Variants in ZMYM2 observed in about 807,000 individuals in gnomAD.
ZMYM2 encodes zinc finger MYM-type containing 2, also known as zinc finger MYM-type protein 2.
Under a neutral mutation model 162.8 loss-of-function variants are expected in ZMYM2, and 56 were observed. That is an observed-to-expected ratio of 0.34 (90% CI 0.28 to 0.43). ZMYM2 has a LOEUF of 0.43. Ranked by LOEUF, ZMYM2 falls within the 20% of genes least tolerant of loss-of-function variation. The probability of loss-of-function intolerance (pLI) is 1.00; values close to 1 mark genes in which losing one functional copy is unlikely to be tolerated. For missense variants in ZMYM2, 1,275 were observed against 1,621.8 expected (o/e 0.79, Z 3.67); for synonymous variants, 510 against 541.6 (o/e 0.94, Z 0.81).
chr13:20,083,194 C>A (rs113974693), intron 23 of ZMYM2, among the ~76,000 whole-genome samples, 162 bp downstream of exon 23: 4 of 152,268 alleles, frequency 2.6e-5, no homozygotes, highest in African/African-American at 9.6e-5. Flanking sequence ...TCCTGAGTGG[C>A]TGGGATTACA....
intron 12 of ZMYM2, among the ~76,000 whole-genome samples, chr13:20,042,711 T>TTC (rs748869261): frequency 4.7e-5 from 7 of 149,404 alleles, no homozygotes. Context: ...GACCTTTGCT[T>TTC]TTTATTATTA....
intron 12 of ZMYM2, among the ~76,000 whole-genome samples, chr13:20,043,230 G>C (rs371393185): frequency 9.4e-4 from 143 of 152,266 alleles, no homozygotes; most frequent in African/African-American, 3.0e-3. Context: ...CACTGTGCTG[G>C]GGAGACTGAC....
chr13:20,022,548 C>T (rs1470003497), intron 7 of ZMYM2, among the ~76,000 whole-genome samples: 2 of 151,806 alleles, frequency 1.3e-5, no homozygotes, highest in African/African-American at 4.8e-5. Context: ...CATCTGTTGT[C>T]AATTAGAAAA....
chr13:20,060,719 A>G (rs959090686), intron 16 of ZMYM2, among the ~76,000 whole-genome samples: 4 of 152,158 alleles, frequency 2.6e-5, no homozygotes, highest in African/African-American at 9.7e-5. Context: ...CATAAGGTTT[A>G]GAACTGAAAC....
intron 12 of ZMYM2, among the ~76,000 whole-genome samples, chr13:20,046,564 A>AT (rs1555317284): frequency 0.041 from 4,268 of 103,720 alleles, 189 homozygotes; most frequent in East Asian, 0.098. Flanking sequence ...TAAAAAAAAA[A>AT]ATATATATAT....
At chr13:19,981,528 A>C (rs1303892859) in intron 2 of ZMYM2, among the ~76,000 whole-genome samples, 1 of 152,174 alleles carries the variant, frequency 6.6e-6, no homozygotes. Context: ...CTGACCTGCA[A>C]TATACCATTT....
At chr13:19,939,835 C>G in the ZMYM2 span, among the ~76,000 whole-genome samples, 1 of 152,100 alleles carries the variant, frequency 6.6e-6, no homozygotes, top group Non-Finnish European at 1.5e-5. Context: ...ACATTTTATT[C>G]TCATTACAGT....
the ZMYM2 span, among the ~76,000 whole-genome samples, chr13:19,883,826 G>A: frequency 5.3e-5 from 8 of 152,036 alleles, no homozygotes; most frequent in Non-Finnish European, 8.8e-5. Context: ...GCACGATCTC[G>A]CCTCACGGCA....
intron 12 of ZMYM2, among the ~76,000 whole-genome samples, chr13:20,037,553 G>C (rs1953841074): frequency 6.6e-6 from 1 of 152,140 alleles, no homozygotes; most frequent in South Asian, 2.1e-4. Flanking sequence ...AGTGTTGAAT[G>C]TTAGCAGGTA....
intron 2 of ZMYM2, among the ~76,000 whole-genome samples, chr13:19,982,156 T>G (rs1957389892): frequency 6.6e-6 from 1 of 152,160 alleles, no homozygotes; most frequent in South Asian, 2.1e-4. Context: ...GCCTTAAATC[T>G]TCCTGTCCAA....
upstream of ZMYM2, among the ~76,000 whole-genome samples, chr13:19,958,133 C>T (rs1954685115): frequency 6.6e-6 from 1 of 151,594 alleles, no homozygotes; most frequent in Admixed American, 6.6e-5. Context: ...GCCTCCACTG[C>T]CCCCAGCGCG....
chr13:20,080,470 T>C (rs9552069), intron 21 of ZMYM2, among the ~76,000 whole-genome samples: 104,384 of 151,902 alleles, frequency 0.69, 41,084 homozygotes, highest in Non-Finnish European at 0.86. Flanking sequence ...TTAAAAAAAT[T>C]GAATCCGACA....
rs760655470 is a variant in ZMYM2 at position 20,061,018 on chromosome 13, T to G, written c.2740-35T>G. On this transcript the variant is annotated intron_variant, in intron 16 of 24. Coordinates refer to ENST00000610343, the MANE Select transcript of ZMYM2 (RefSeq NM_197968.4). ...ATTTGGAAAAATACCTTTTAATGTT[T>G]AGTAAACCTAACTCAAAATGATTTG... 8 of 1,573,902 alleles carry G rather than the reference T, an allele frequency of 5.1e-6. 1 individual carries two copies. The highest frequency in any genetic ancestry group is 3.5e-5 in the South Asian group (3 of 85,484).
rs970360792 is a variant in ZMYM2, at chr13:20,072,414, G to C, written c.3453+5024G>C. Among the ~76,000 whole-genome samples the C allele has an allele frequency of 5.9e-5, 9 of 152,292 alleles. 1 individual carries two copies. The East Asian group carries it at 1.5e-3, about 26-fold the overall frequency. ...CGAGCACCTGTAGTCCCAGCTACTTGGGAGGCTGAGGCTGGAGAATTGCTT... is the reference window on the plus strand; with the variant it reads ...CGAGCACCTGTAGTCCCAGCTACTTCGGAGGCTGAGGCTGGAGAATTGCTT... On this transcript the variant is annotated intron_variant, in intron 21 of 24. Transcript: ENST00000610343.
At chr13:19,897,021 G>A in the ZMYM2 span, among the ~76,000 whole-genome samples, 2 of 149,032 alleles carry the variant, frequency 1.3e-5, no homozygotes, top group Non-Finnish European at 2.9e-5. Flanking sequence ...TGCAGTGATC[G>A]GAGATCACAC....
the ZMYM2 span, among the ~76,000 whole-genome samples, chr13:19,947,789 C>T: frequency 2.0e-5 from 3 of 152,054 alleles, no homozygotes; most frequent in Non-Finnish European, 4.4e-5. Flanking sequence ...CCACTGCGCC[C>T]GGCCGCTATG....
the ZMYM2 span, among the ~76,000 whole-genome samples, chr13:19,923,207 A>AAT: frequency 7.2e-6 from 1 of 138,630 alleles, no homozygotes; most frequent in Non-Finnish European, 1.6e-5. Context: ...AAAAAAAAAA[A>AAT]TTAACCAGGC....
At chr13:20,036,679 T>C (rs1566361708) in intron 11 of ZMYM2, 58 bp from the exon 12 acceptor site, 1 of 1,362,944 alleles carries the variant, frequency 7.3e-7, no homozygotes, top group Non-Finnish European at 9.6e-7. Context: ...CTGTCTCTGC[T>C]CAATAATTAG....
intron 12 of ZMYM2, among the ~76,000 whole-genome samples, chr13:20,038,585 G>A (rs1454539239): frequency 1.3e-5 from 2 of 152,120 alleles, no homozygotes; most frequent in Non-Finnish European, 2.9e-5. Flanking sequence ...AGTTGTAGGT[G>A]TGCGGCCTCA....
Sources: allele counts gnomAD v4.1 joint callset (sites outside exome capture counted in the v4.1 genomes callset), GRCh38; gene constraint gnomAD v4.1.1; transcripts MANE v1.5; gene names NCBI Gene and HGNC (gene_info 2026-07-23, HGNC 2026-07-21).